The following PLEKHG7 variants were observed in gnomAD, a reference collection of about 807,000 sequenced individuals.
The protein encoded by PLEKHG7 is pleckstrin homology and RhoGEF domain containing G7, also known as pleckstrin homology domain-containing family G member 7.
PLEKHG7 carries 77 observed loss-of-function variants against 85.2 expected under a neutral mutation model. That is an observed-to-expected ratio of 0.90 (90% confidence interval 0.75 to 1.09). The LOEUF is 1.09. Among genes scored for constraint, PLEKHG7 ranks in the 50% least tolerant of loss-of-function variants. The pLI, the probability that PLEKHG7 is intolerant of heterozygous loss-of-function variation, is 0.00. For synonymous variants in PLEKHG7, 301 were observed against 302.4 expected, an observed-to-expected ratio of 1.00 and a Z score of 0.05; for missense variants, 777 against 804.3, an observed-to-expected ratio of 0.97 and a Z score of 0.41.
chr12:92,715,147 G>A (rs1260149667), intron 3 of PLEKHG7, among the ~76,000 whole-genome samples: 9 of 152,242 alleles, frequency 5.9e-5, no homozygotes, highest in African/African-American at 2.2e-4. Context: ...AGGAGAGCCA[G>A]TCAGAGTTCC....
rs1872193649 is a variant in PLEKHG7, at chr12:92,737,514, T to G, written c.932T>G (p.Leu311Arg). The change falls in exon 7 of 17, where the codon CTT (leucine) becomes CGT (arginine). Residue 311 changes from leucine (L) to arginine (R), a missense_variant. By Grantham distance (102) the Leu-to-Arg change is moderately radical. This residue lies in a region of PLEKHG7 where 520 missense variants were observed against 544.0 expected (regional missense o/e 0.96). Transcript: ENST00000344636. ...CTYFLDHLLV[L>R]KMIFMNTLRY... ...TATTTTTTGGACCATTTATTAGTTC[T>G]TAAGATGGTAATGCCAGGCTTAATT... The G allele has an allele frequency of 6.2e-7, 1 of 1,608,100 alleles. No homozygotes were observed. Among genetic ancestry groups the G allele is most frequent in the African/African-American group, 1.3e-5 (1 of 74,556 alleles).
rs146269165 is a variant in PLEKHG7 at position 92,751,514 on chromosome 12, C to T, written c.1252-2576C>T. On this transcript the variant is annotated intron_variant, in intron 10 of 16. Transcript: ENST00000344636. Reference sequence around the variant, plus strand: ...CTGCGTAGCTGGGATTACAGGCGTGCGCCACCATGCCTGGCTAATTTTTTT... The same window carrying T: ...CTGCGTAGCTGGGATTACAGGCGTGTGCCACCATGCCTGGCTAATTTTTTT... Among the ~76,000 whole-genome samples the T allele has an allele frequency of 5.8e-3, 875 of 150,782 alleles. 8 individuals carry two copies. Among genetic ancestry groups the T allele is most frequent in the African/African-American group, 0.019 (799 of 41,042 alleles).
intron 3 of PLEKHG7, 123 bp downstream of exon 3, chr12:92,707,795 C>T (rs1223029821): frequency 1.3e-6 from 2 of 1,502,104 alleles, no homozygotes; most frequent in African/African-American, 2.8e-5. Flanking sequence ...TGTTTTATAG[C>T]ACTCAAGTCA....
At position 92,728,980 on chromosome 12, in the gene PLEKHG7, C is replaced by G; in HGVS notation, c.531-13C>G. 1 of 1,231,326 alleles carries G rather than the reference C, an allele frequency of 8.1e-7. No individual in the cohort carries two copies. The highest frequency in any genetic ancestry group is 4.1e-5 in the South Asian group (1 of 24,282). The allele number at this position is 1,231,326 out of a possible 1,614,324, so 76.3% of individuals were successfully genotyped here. A position where few individuals can be genotyped will look rare whatever the true frequency, so the allele number is the denominator to read the frequency against. The stretch of plus-strand genomic sequence containing the variant: ...TATTTCGGTGTGGTTTTCCTTTTAT[C>G]TCTTGAGCACAGGTTCTACGAGCAC... On this transcript the variant is annotated splice_polypyrimidine_tract_variant and intron_variant, in intron 3 of 16. Coordinates refer to ENST00000344636, the MANE Select transcript of PLEKHG7 (RefSeq NM_001377329.1).
chr12:92,749,879 T>C (rs1872636747), intron 10 of PLEKHG7, among the ~76,000 whole-genome samples: 1 of 145,136 alleles, frequency 6.9e-6, no homozygotes, highest in Non-Finnish European at 1.5e-5. Context: ...TATTTTATTT[T>C]ATTTTTTATT....
intron 3 of PLEKHG7, among the ~76,000 whole-genome samples, chr12:92,713,836 A>G (rs1362790637): frequency 6.6e-6 from 1 of 152,068 alleles, no homozygotes; most frequent in Non-Finnish European, 1.5e-5. Flanking sequence ...ATTTTAGCTA[A>G]CCAAGAAATA....
Position 92,772,216 on chromosome 12 carries a change from G to A in PLEKHG7, c.*2021G>A, listed in dbSNP as rs1460879962. On this transcript the variant is annotated 3_prime_UTR_variant, in exon 17 of 17. Transcript: ENST00000344636. ...TAAGTATCTTTAAATGGTCATCTGG[G>A]TATTAAATGCAGACACACAATGAAA... 4 of 151,606 alleles carry A rather than the reference G, an allele frequency of 2.6e-5. No individual in the cohort carries two copies. Among genetic ancestry groups the A allele is most frequent in the Non-Finnish European group, 5.9e-5 (4 of 67,786 alleles). The allele number at this position is 151,606 out of a possible 1,614,324, so 9.4% of individuals were successfully genotyped here.
intron 3 of PLEKHG7, among the ~76,000 whole-genome samples, chr12:92,723,574 G>A (rs1330550737): frequency 6.6e-6 from 1 of 152,116 alleles, no homozygotes; most frequent in Admixed American, 6.5e-5. Flanking sequence ...CCAAGTTCTG[G>A]ACACTGATCT....
chr12:92,754,681 A>T (rs971245993), intron 11 of PLEKHG7, among the ~76,000 whole-genome samples: 1 of 152,192 alleles, frequency 6.6e-6, no homozygotes, highest in African/African-American at 2.4e-5. Flanking sequence ...ACCGAAAGCC[A>T]GGGTCAATAT....
intron 14 of PLEKHG7, among the ~76,000 whole-genome samples, 158 bp downstream of exon 14, chr12:92,761,989 A>G (rs1231138544): frequency 6.6e-6 from 1 of 151,884 alleles, no homozygotes; most frequent in Non-Finnish European, 1.5e-5. Flanking sequence ...TTTTTTAGTC[A>G]TAAAGCTCTG....
intron 9 of PLEKHG7, 68 bp downstream of exon 9, chr12:92,741,660 T>C (rs1872360728): frequency 1.7e-6 from 2 of 1,182,560 alleles, no homozygotes; most frequent in Non-Finnish European, 2.4e-6. Flanking sequence ...CAGTTGTTTA[T>C]ACCCTACTTG....
chr12:92,754,243 G>A lies in PLEKHG7; in HGVS notation c.1405G>A (p.Glu469Lys). ...GAAAATCATGATCTACTCCATCAAG[G>A]AAAAGGTGGAAAAGTCCATCCGTAA... ...AEKIMIYSIK[E>K]KVEKSIRDLE... Residue 469 changes from glutamate (E) to lysine (K), a missense_variant, in exon 11 of 17, where the codon GAA becomes AAA. Glu to Lys is a moderately conservative substitution (Grantham distance 56). Transcript: ENST00000344636. The A allele has an allele frequency of 6.2e-7, 1 of 1,613,874 alleles. No homozygotes were observed. The highest frequency in any genetic ancestry group is 1.1e-5 in the South Asian group (1 of 91,066).
chr12:92,763,001 A>G (rs1415102706), intron 14 of PLEKHG7, among the ~76,000 whole-genome samples: 1 of 152,168 alleles, frequency 6.6e-6, no homozygotes, highest in Admixed American at 6.5e-5. Flanking sequence ...GAACAAGCCA[A>G]ATTCTGAAAA....
At chr12:92,732,834 C>T (rs1307167998) in intron 5 of PLEKHG7, among the ~76,000 whole-genome samples, 2 of 152,112 alleles carry the variant, frequency 1.3e-5, no homozygotes, top group Non-Finnish European at 2.9e-5. Flanking sequence ...ACAGTCAAGC[C>T]GTTCCTTCTG....
chr12:92,726,257 A>G (rs1160389292), intron 3 of PLEKHG7, among the ~76,000 whole-genome samples: 1 of 152,176 alleles, frequency 6.6e-6, no homozygotes, highest in Non-Finnish European at 1.5e-5. Flanking sequence ...AAGGACTGGG[A>G]TAGGGAGACT....
At chr12:92,746,334 G>T (rs922070765) in intron 10 of PLEKHG7, among the ~76,000 whole-genome samples, 2 of 152,232 alleles carry the variant, frequency 1.3e-5, no homozygotes, top group East Asian at 3.8e-4. Context: ...GACCTCAGAG[G>T]CTTGGGAGGA....
At chr12:92,740,732 G>C in intron 7 of PLEKHG7, 121 bp from the exon 8 acceptor site, 1 of 657,138 alleles carries the variant, frequency 1.5e-6, no homozygotes, top group Non-Finnish European at 2.7e-6. Context: ...CCTTGAGAGT[G>C]CTGATTTCTC....
At chr12:92,742,992 A>G (rs1024056054) in intron 9 of PLEKHG7, among the ~76,000 whole-genome samples, 2 of 152,204 alleles carry the variant, frequency 1.3e-5, no homozygotes, top group Non-Finnish European at 2.9e-5. Context: ...CCACATATGA[A>G]TGCCCCACGC....
chr12:92,748,815 G>A (rs1872608444), intron 10 of PLEKHG7, among the ~76,000 whole-genome samples: 2 of 152,182 alleles, frequency 1.3e-5, no homozygotes, highest in Non-Finnish European at 2.9e-5. Context: ...GGAACTATTA[G>A]CCTCATGAAA....
Sources: gnomAD v4.1 joint callset for allele counts (sites outside exome capture counted in the v4.1 genomes callset) on GRCh38, gnomAD v4.1.1 for gene constraint, gnomAD v4.1.1 regional missense constraint, MANE v1.5 for transcripts, NCBI Gene and HGNC (gene_info 2026-07-23, HGNC 2026-07-21) for gene names.